The following NFAT5 variants were observed in gnomAD, a reference collection of about 807,000 sequenced individuals.
NFAT5 encodes nuclear factor of activated T-cells 5.
A neutral mutation model predicts 166.5 loss-of-function variants in NFAT5; 31 were observed. The observed-to-expected ratio is 0.19, with a 90% CI of 0.14 to 0.25. The LOEUF is 0.25. Among genes scored for constraint, NFAT5 ranks in the 10% least tolerant of loss-of-function variants. NFAT5 has a pLI of 1.00. For missense variants in NFAT5, 1,449 were observed against 1,821.8 expected, an observed-to-expected ratio of 0.80 and a Z score of 3.72; for synonymous variants, 612 against 639.7, an observed-to-expected ratio of 0.96 and a Z score of 0.65.
chr16:69,608,216 G>T (rs1220743571), intron 2 of NFAT5, among the ~76,000 whole-genome samples: 3 of 151,990 alleles, frequency 2.0e-5, no homozygotes, highest in Non-Finnish European at 2.9e-5. Context: ...AATTAGCCGG[G>T]TGTTGTGGCG....
chr16:69,586,383 A>ACT lies in NFAT5; in HGVS notation c.127+17835_127+17836insCT, dbSNP rs550945199. On this transcript the variant is annotated intron_variant, in intron 2 of 14. Transcript: ENST00000349945. ...TGAAAAATTCATGAGGCGTAGACAT[A>ACT]TTAACCTTGTTTAGATTGGAATTTT... 2.5e-4 allele frequency among the ~76,000 whole-genome samples: 38 copies of ACT among 152,222 alleles called. No individual in the cohort carries two copies. The South Asian group carries it at 7.3e-3, about 29-fold the overall frequency.
chr16:69,636,739 A>G (rs904118362), intron 3 of NFAT5, among the ~76,000 whole-genome samples: 2 of 152,148 alleles, frequency 1.3e-5, no homozygotes, highest in African/African-American at 4.8e-5. Context: ...CACACACAGC[A>G]TGGGGACCCT....
intron 2 of NFAT5, among the ~76,000 whole-genome samples, chr16:69,624,725 G>T (rs1266615752): frequency 6.6e-6 from 1 of 151,986 alleles, no homozygotes; most frequent in East Asian, 1.9e-4. Context: ...TCTTACCATG[G>T]ATAAAATGTC....
At chr16:69,576,645 G>A (rs1402689408) in intron 2 of NFAT5, among the ~76,000 whole-genome samples, 1 of 152,052 alleles carries the variant, frequency 6.6e-6, no homozygotes, top group Non-Finnish European at 1.5e-5. Context: ...TGAGGTGGGC[G>A]GATCGCTTGA....
chr16:69,599,503 G>A (rs947433638), intron 2 of NFAT5, among the ~76,000 whole-genome samples: 16 of 152,266 alleles, frequency 1.1e-4, no homozygotes, highest in South Asian at 2.1e-4. Flanking sequence ...CCCAGGAGGC[G>A]AATGTTGCAG....
chr16:69,682,298 T>G (rs1002877700), intron 10 of NFAT5, among the ~76,000 whole-genome samples: 1 of 151,886 alleles, frequency 6.6e-6, no homozygotes, highest in Non-Finnish European at 1.5e-5. Context: ...TTTAACATTT[T>G]TTTTTTTTTT....
intron 2 of NFAT5, among the ~76,000 whole-genome samples, chr16:69,602,786 T>G (rs1030757632): frequency 5.3e-5 from 8 of 151,414 alleles, no homozygotes; most frequent in Admixed American, 3.3e-4. Flanking sequence ...TTTGTTTTTT[T>G]TTTTGGTAGA....
At chr16:69,632,429 G>A (rs1483214452) in intron 3 of NFAT5, 1 of 152,060 alleles carries the variant, frequency 6.6e-6, no homozygotes, top group Non-Finnish European at 1.5e-5. Flanking sequence ...ACTTCGATTA[G>A]GGAAACGCAA....
chr16:69,588,438 G>A (rs1485497532), intron 2 of NFAT5, among the ~76,000 whole-genome samples: 3 of 152,198 alleles, frequency 2.0e-5, no homozygotes, highest in Non-Finnish European at 2.9e-5. Context: ...TCAAAAGAGA[G>A]ATGATTGCTA....
chr16:69,674,241 CAAAAAAAAAAA>C (rs59975972), intron 9 of NFAT5, among the ~76,000 whole-genome samples: 1 of 71,358 alleles, frequency 1.4e-5, no homozygotes, highest in Non-Finnish European at 2.7e-5. Context: ...GAAACTGTCT[CAAAAAAAAAAA>C]AAAAAAAAAA....
In NFAT5 at chr16:69,647,510, G is replaced by T; in HGVS notation, c.736G>T (p.Asp246Tyr). The T allele has an allele frequency of 1.2e-6, 2 of 1,608,926 alleles. No individual in the cohort carries two copies. Among genetic ancestry groups the T allele is most frequent in the South Asian group, 1.1e-5 (1 of 91,064 alleles). Residue 246 changes from aspartate (D) to tyrosine (Y), a missense_variant, in exon 4 of 15, where the codon GAC (aspartate) becomes TAC (tyrosine). Coordinates refer to ENST00000349945, the MANE Select transcript of NFAT5 (RefSeq NM_138713.4). The surrounding 1 kb of genome is among the most constrained non-coding windows in gnomAD (Gnocchi z 4.8). ...ATCTAATATGGATATATTTGATGCC[G>T]ACAGTGCCAAAGCACCTCACTATGT... ...EESNMDIFDA[D>Y]SAKAPHYVLS...
chr16:69,647,900 G>C lies in NFAT5; in HGVS notation c.812+314G>C, dbSNP rs150850561. 6.6e-6 allele frequency among the ~76,000 whole-genome samples: 1 copy of C among 151,870 alleles called. No homozygotes were observed. The highest frequency in any genetic ancestry group is 2.1e-4 in the South Asian group (1 of 4,814). ...AAAGGACTTTTACTCAGCCAGGTGC[G>C]GTGGCTCACACCTGTAATCCCAGCA... is the stretch of plus-strand genomic sequence containing the variant. On this transcript the variant is annotated intron_variant, in intron 4 of 14. Coordinates refer to ENST00000349945, the MANE Select transcript of NFAT5 (RefSeq NM_138713.4). The surrounding 1 kb of genome is among the most constrained non-coding windows in gnomAD (Gnocchi z 4.8).
intron 2 of NFAT5, among the ~76,000 whole-genome samples, chr16:69,598,406 A>C (rs963201440): frequency 3.3e-5 from 5 of 149,728 alleles, no homozygotes; most frequent in Non-Finnish European, 7.4e-5. Context: ...AAAAAAAGAT[A>C]TTTGGGAAAG....
intron 2 of NFAT5, among the ~76,000 whole-genome samples, chr16:69,603,190 G>A (rs559551639): frequency 6.5e-4 from 99 of 151,898 alleles, no homozygotes; most frequent in African/African-American, 2.3e-3. Flanking sequence ...TTTATTTTCC[G>A]TCTTACACTT....
intron 2 of NFAT5, among the ~76,000 whole-genome samples, chr16:69,585,055 T>C (rs564368604): frequency 9.9e-5 from 15 of 152,210 alleles, no homozygotes; most frequent in Non-Finnish European, 2.1e-4. Context: ...TGGAGTGCAG[T>C]GGCATGATCT....
intron 2 of NFAT5, among the ~76,000 whole-genome samples, chr16:69,586,009 T>C (rs2032038931): frequency 6.6e-6 from 1 of 152,194 alleles, no homozygotes; most frequent in Non-Finnish European, 1.5e-5. Flanking sequence ...AAATGGTAAA[T>C]TTTATGTATA....
chr16:69,618,741 G>GT (rs1008716598), intron 2 of NFAT5, among the ~76,000 whole-genome samples: 6 of 151,750 alleles, frequency 4.0e-5, no homozygotes, highest in South Asian at 2.1e-4. Context: ...ACATTTAGAG[G>GT]TTTTTTTTAA....
At chr16:69,637,229 A>G (rs1177580222) in intron 3 of NFAT5, among the ~76,000 whole-genome samples, 1 of 152,180 alleles carries the variant, frequency 6.6e-6, no homozygotes, top group Admixed American at 6.5e-5. Context: ...TATTGTCCAT[A>G]TCGCTATCAG....
At chr16:69,610,868 T>TC (rs921791517) in intron 2 of NFAT5, among the ~76,000 whole-genome samples, 2 of 152,204 alleles carry the variant, frequency 1.3e-5, no homozygotes. Flanking sequence ...CTACCTTTTT[T>TC]CCCTCATAGC....
Sources: gnomAD v4.1 joint callset for allele counts (sites outside exome capture counted in the v4.1 genomes callset) on GRCh38, gnomAD v4.1.1 for gene constraint, Gnocchi (gnomAD v3.1) non-coding constraint, MANE v1.5 for transcripts, NCBI Gene and HGNC (gene_info 2026-07-23, HGNC 2026-07-21) for gene names.